Variants in ADAMTSL3 observed in about 807,000 individuals in gnomAD.
ADAMTSL3 encodes the protein ADAMTS like 3.
Under a neutral mutation model 201.7 loss-of-function variants are expected in ADAMTSL3, and 128 were observed. The ratio of observed to expected loss-of-function variants is 0.63; its 90% CI spans 0.55 to 0.73. ADAMTSL3 has a LOEUF of 0.73. ADAMTSL3 is among the 30% of genes least tolerant of loss of function. The pLI, the probability that ADAMTSL3 is intolerant of heterozygous loss-of-function variation, is 0.00. For synonymous variants in ADAMTSL3, 738 were observed against 748.4 expected, an observed-to-expected ratio of 0.99 and a Z score of 0.23; for missense variants, 1,990 against 2,119.6, an observed-to-expected ratio of 0.94 and a Z score of 1.20.
chr15:83,857,978 A>AGTGT (rs1221515765), intron 7 of ADAMTSL3, among the ~76,000 whole-genome samples: 46 of 152,374 alleles, frequency 3.0e-4, no homozygotes, highest in African/African-American at 1.0e-3. Flanking sequence ...TTAAATTATC[A>AGTGT]GTGTATGTAG....
intron 15 of ADAMTSL3, among the ~76,000 whole-genome samples, chr15:83,905,003 G>A (rs1234623007): frequency 6.6e-6 from 1 of 152,214 alleles, no homozygotes; most frequent in Non-Finnish European, 1.5e-5. Context: ...GTTCTACGTG[G>A]ATTAAGTTGT....
chr15:83,776,373 A>C (rs915123826), intron 4 of ADAMTSL3, among the ~76,000 whole-genome samples: 3 of 152,204 alleles, frequency 2.0e-5, no homozygotes, highest in African/African-American at 7.2e-5. Context: ...CAAGGTTCTT[A>C]TATCTAAGGA....
chr15:83,920,551 G>C (rs2066120904), intron 16 of ADAMTSL3, among the ~76,000 whole-genome samples: 1 of 152,154 alleles, frequency 6.6e-6, no homozygotes, highest in Non-Finnish European at 1.5e-5. Flanking sequence ...CTTTACAGTA[G>C]TACCCCTTCA....
intron 7 of ADAMTSL3, among the ~76,000 whole-genome samples, chr15:83,857,323 G>T (rs530058550): frequency 4.1e-4 from 62 of 152,116 alleles, no homozygotes; most frequent in African/African-American, 1.4e-3. Flanking sequence ...ATTTTGATTT[G>T]GTCAAATTTA....
intron 17 of ADAMTSL3, among the ~76,000 whole-genome samples, chr15:83,936,542 T>C (rs578052446): frequency 6.6e-6 from 1 of 151,014 alleles, no homozygotes; most frequent in East Asian, 1.9e-4. Context: ...TAAACATTTA[T>C]AGTTATGCTA....
chr15:83,980,748 C>T (rs146161625), intron 20 of ADAMTSL3, among the ~76,000 whole-genome samples: 1 of 152,300 alleles, frequency 6.6e-6, no homozygotes, highest in Admixed American at 6.5e-5. Context: ...ACATTCTCTA[C>T]CACAGAAATT....
At chr15:84,022,067 A>G (rs2068215288) in intron 26 of ADAMTSL3, among the ~76,000 whole-genome samples, 1 of 152,154 alleles carries the variant, frequency 6.6e-6, no homozygotes, top group Non-Finnish European at 1.5e-5. Flanking sequence ...GGTAATACAA[A>G]TCAGTAATTT....
intron 16 of ADAMTSL3, among the ~76,000 whole-genome samples, chr15:83,920,664 T>C (rs2066124467): frequency 6.6e-6 from 1 of 152,218 alleles, no homozygotes; most frequent in South Asian, 2.1e-4. Flanking sequence ...AAGAACATCG[T>C]TATATATAAT....
intron 2 of ADAMTSL3, among the ~76,000 whole-genome samples, chr15:83,670,258 C>CAAAAAAAA (rs60947988): frequency 3.1e-5 from 2 of 64,504 alleles, no homozygotes; most frequent in African/African-American, 1.3e-4. Flanking sequence ...ACTCTGTCTC[C>CAAAAAAAA]AAAAAAAAAA....
chr15:83,795,447 T>G (rs949678060), intron 4 of ADAMTSL3, among the ~76,000 whole-genome samples: 23 of 152,106 alleles, frequency 1.5e-4, no homozygotes, highest in Non-Finnish European at 1.5e-5. Flanking sequence ...GCTGTTGAGT[T>G]TTAATTCCTT....
chr15:83,900,837 A>G (rs2065709707), intron 15 of ADAMTSL3, among the ~76,000 whole-genome samples: 1 of 152,242 alleles, frequency 6.6e-6, no homozygotes, highest in African/African-American at 2.4e-5. Flanking sequence ...AGTTTTCACA[A>G]ATATGAAGAA....
chr15:83,692,455 G>T (rs1024778661), intron 2 of ADAMTSL3, among the ~76,000 whole-genome samples: 1 of 151,958 alleles, frequency 6.6e-6, no homozygotes, highest in African/African-American at 2.4e-5. Context: ...GGAGGCCGAG[G>T]TGGGCGGATC....
intron 3 of ADAMTSL3, among the ~76,000 whole-genome samples, chr15:83,767,057 G>A (rs1181527320): frequency 6.6e-6 from 1 of 152,178 alleles, no homozygotes; most frequent in South Asian, 2.1e-4. Context: ...TTGTGCCACC[G>A]CACTCCAGCC....
chr15:84,016,344 T>C, intron 24 of ADAMTSL3, 39 bp from the exon 25 acceptor site: 1 of 1,518,826 alleles, frequency 6.6e-7, no homozygotes, highest in Non-Finnish European at 9.1e-7. Flanking sequence ...AATTAGATAA[T>C]GTCTAACTGG....
intron 3 of ADAMTSL3, among the ~76,000 whole-genome samples, chr15:83,710,710 C>T (rs929723546): frequency 8.5e-5 from 13 of 152,144 alleles, no homozygotes; most frequent in Admixed American, 5.9e-4. Context: ...TTCAATATGC[C>T]TCTCTAAATT....
In ADAMTSL3 at chr15:83,704,469, A is replaced by G; in HGVS notation, c.150A>G (p.Thr50=). The G allele has an allele frequency of 6.2e-7, 1 of 1,614,196 alleles. No individual in the cohort carries two copies. Among genetic ancestry groups the G allele is most frequent in the Non-Finnish European group, 8.5e-7 (1 of 1,180,026 alleles). Reference sequence around the variant, plus strand: ...CTCAGGGAAGTTTTCTGGAAGACACAACAGGGGAGCAGTTCCTCACTTATC... The same window carrying G: ...CTCAGGGAAGTTTTCTGGAAGACACGACAGGGGAGCAGTTCCTCACTTATC... The part of the protein sequence containing the change: ...LSPQGSFLED[T]TGEQFLTYRY... The change falls in exon 3 of 30, where the codon ACA becomes ACG. Residue 50 remains threonine (T), a synonymous_variant. Transcript: ENST00000286744.
intron 3 of ADAMTSL3, among the ~76,000 whole-genome samples, chr15:83,753,716 T>C (rs1464930137): frequency 1.3e-5 from 2 of 152,170 alleles, no homozygotes; most frequent in African/African-American, 4.8e-5. Context: ...TATAAATGCT[T>C]TGATTATGGT....
chr15:83,852,975 G>A (rs1303943895), intron 7 of ADAMTSL3, among the ~76,000 whole-genome samples: 2 of 152,112 alleles, frequency 1.3e-5, no homozygotes, highest in African/African-American at 2.4e-5. Context: ...TCCAGCCTCA[G>A]CCTCCTGAGT....
At chr15:83,921,450 C>A (rs947826648) in intron 16 of ADAMTSL3, among the ~76,000 whole-genome samples, 1 of 152,066 alleles carries the variant, frequency 6.6e-6, no homozygotes, top group Non-Finnish European at 1.5e-5. Context: ...TACTGATTGG[C>A]ACATAAAAGG....
Sources: allele counts gnomAD v4.1 joint callset (sites outside exome capture counted in the v4.1 genomes callset), GRCh38; gene constraint gnomAD v4.1.1; transcripts MANE v1.5; gene names NCBI Gene and HGNC (gene_info 2026-07-23, HGNC 2026-07-21).